GPC5: variants seen among roughly 807,000 people sequenced by gnomAD.
GPC5 encodes glypican 5.
A neutral mutation model predicts 53.9 loss-of-function variants in GPC5; 47 were observed. The observed-to-expected ratio is 0.87, with a 90% CI of 0.69 to 1.11. GPC5 has a LOEUF of 1.11. Ranked by LOEUF, GPC5 falls within the 50% of genes most tolerant of loss-of-function variation. GPC5 has a pLI of 0.00. For missense variants in GPC5, 748 were observed against 713.1 expected, an observed-to-expected ratio of 1.05 and a Z score of -0.56; for synonymous variants, 286 against 263.3, an observed-to-expected ratio of 1.09 and a Z score of -0.84.
At chr13:92,519,881 G>A (rs192896664) in intron 7 of GPC5, among the ~76,000 whole-genome samples, 1 of 150,724 alleles carries the variant, frequency 6.6e-6, no homozygotes, top group African/African-American at 2.5e-5. Flanking sequence ...TAGACTGCTA[G>A]CAAGACTAAT....
chr13:91,826,386 T>C (rs1400099390), intron 5 of GPC5, among the ~76,000 whole-genome samples: 1 of 152,076 alleles, frequency 6.6e-6, no homozygotes, highest in African/African-American at 2.4e-5. Flanking sequence ...ACAGTTTCTA[T>C]TGAAAGTATA....
intron 1 of GPC5, among the ~76,000 whole-genome samples, chr13:91,435,449 G>T (rs1879860822): frequency 1.3e-5 from 2 of 152,118 alleles, no homozygotes; most frequent in Non-Finnish European, 2.9e-5. Flanking sequence ...ATAATCATAT[G>T]GTTTTTGTCG....
rs1886467460 is a variant in GPC5, at chr13:92,663,870, A to AC, written c.1562-202412_1562-202411insC. Among the ~76,000 whole-genome samples, 3 of 9,674 alleles carry AC rather than the reference A, an allele frequency of 3.1e-4. 1 individual carries two copies. Among genetic ancestry groups the AC allele is most frequent in the Non-Finnish European group, 1.2e-3 (3 of 2,450 alleles). 6.3% of individuals were successfully genotyped at this position (9,674 alleles called of 152,430 possible). ...ACACACACACACTATATATATATAT[A>AC]TATATATATATATATATATATATAT... On this transcript the variant is annotated intron_variant, in intron 7 of 7. Coordinates refer to ENST00000377067, the MANE Select transcript of GPC5 (RefSeq NM_004466.6).
At chr13:92,814,299 G>A (rs1037603169) in intron 7 of GPC5, among the ~76,000 whole-genome samples, 1 of 151,760 alleles carries the variant, frequency 6.6e-6, no homozygotes, top group African/African-American at 2.4e-5. Context: ...TGTGACCTTG[G>A]GTTAGGCAAA....
intron 2 of GPC5, among the ~76,000 whole-genome samples, chr13:91,646,572 C>T (rs1020797267): frequency 6.6e-6 from 1 of 151,980 alleles, no homozygotes; most frequent in African/African-American, 2.4e-5. Context: ...AATTCTTGAT[C>T]TAACATAATG....
At chr13:91,890,119 A>G (rs1175540369) in intron 5 of GPC5, among the ~76,000 whole-genome samples, 1 of 152,188 alleles carries the variant, frequency 6.6e-6, no homozygotes, top group Non-Finnish European at 1.5e-5. Flanking sequence ...ACAAGGATCA[A>G]TAACAGGGGT....
At chr13:92,265,946 C>CA (rs1407445751) in intron 7 of GPC5, among the ~76,000 whole-genome samples, 16 of 152,154 alleles carry the variant, frequency 1.1e-4, no homozygotes, top group Non-Finnish European at 2.4e-4. Flanking sequence ...GGTGAAAGGG[C>CA]AAAGAGAAGG....
chr13:92,014,938 TG>T (rs2040694053), intron 6 of GPC5, among the ~76,000 whole-genome samples: 1 of 152,040 alleles, frequency 6.6e-6, no homozygotes, highest in Non-Finnish European at 1.5e-5. Context: ...AGAGTTTGGG[TG>T]GCTGATTTGA....
At chr13:91,776,970 C>T (rs1479624982) in intron 5 of GPC5, among the ~76,000 whole-genome samples, 1 of 152,224 alleles carries the variant, frequency 6.6e-6, no homozygotes, top group Non-Finnish European at 1.5e-5. Flanking sequence ...CCTACTTTAA[C>T]CTTATAATGT....
chr13:91,569,892 C>T (rs183337019), intron 2 of GPC5, among the ~76,000 whole-genome samples: 39 of 152,230 alleles, frequency 2.6e-4, no homozygotes, highest in Middle Eastern at 3.4e-3. Flanking sequence ...TGAACTTCCC[C>T]GCCTTCAGAA....
chr13:91,599,010 C>G (rs2033090072), intron 2 of GPC5, among the ~76,000 whole-genome samples: 1 of 152,018 alleles, frequency 6.6e-6, no homozygotes, highest in African/African-American at 2.4e-5. Context: ...CAAAGGTTAT[C>G]TTTACTATAA....
intron 7 of GPC5, among the ~76,000 whole-genome samples, chr13:92,738,120 C>A (rs190797283): frequency 6.6e-6 from 1 of 152,004 alleles, no homozygotes; most frequent in Non-Finnish European, 1.5e-5. Flanking sequence ...AGTGTCACCT[C>A]TAAAATGTAT....
At chr13:91,468,743 G>C (rs1422946310) in intron 2 of GPC5, among the ~76,000 whole-genome samples, 1 of 151,742 alleles carries the variant, frequency 6.6e-6, no homozygotes, top group African/African-American at 2.4e-5. Context: ...ATACAAATGT[G>C]TTTAAAATTA....
rs566264679 is a variant in GPC5, at chr13:92,836,729, T to G, written c.1562-29553T>G. On this transcript the variant is annotated intron_variant, in intron 7 of 7. Transcript: ENST00000377067. The stretch of plus-strand genomic sequence containing the variant: ...AATGATATATATGCCAACTTAATAT[T>G]TATGGACATTATAGAACTGATCATT... Among the ~76,000 whole-genome samples, 42 of 152,180 alleles carry G rather than the reference T, an allele frequency of 2.8e-4. 1 individual carries two copies. In the South Asian group the frequency reaches 8.3e-3, roughly 30 times the overall value.
chr13:91,871,656 T>C (rs532607356), intron 5 of GPC5, among the ~76,000 whole-genome samples: 1 of 152,292 alleles, frequency 6.6e-6, no homozygotes, highest in South Asian at 2.1e-4. Context: ...AGTATATTAA[T>C]TACATTGGTA....
At position 92,735,081 on chromosome 13, in the gene GPC5, T is replaced by C. The variant is rs147270621; in HGVS notation, c.1562-131201T>C. Among the ~76,000 whole-genome samples the C allele has an allele frequency of 2.3e-3, 357 of 152,062 alleles. 1 individual carries two copies. The highest frequency in any genetic ancestry group is 8.4e-3 in the African/African-American group (347 of 41,554). ...TTAATCAAATTCTCTCTTAACTACA[T>C]ATTGCCAACAAATAGAAAAATATTT... On this transcript the variant is annotated intron_variant, in intron 7 of 7. Coordinates refer to ENST00000377067, the MANE Select transcript of GPC5 (RefSeq NM_004466.6).
intron 5 of GPC5, among the ~76,000 whole-genome samples, chr13:91,889,982 T>G (rs1438209541): frequency 6.6e-6 from 1 of 152,154 alleles, no homozygotes; most frequent in East Asian, 1.9e-4. Context: ...GGGGATAGGG[T>G]ATTTCAGTAG....
intron 7 of GPC5, among the ~76,000 whole-genome samples, chr13:92,409,806 A>C: frequency 6.6e-6 from 1 of 152,208 alleles, no homozygotes; most frequent in East Asian, 1.9e-4. Context: ...GTAAGGACAT[A>C]TTTGAATAAA....
At chr13:92,338,577 G>A (rs1300921133) in intron 7 of GPC5, among the ~76,000 whole-genome samples, 1 of 152,018 alleles carries the variant, frequency 6.6e-6, no homozygotes, top group Non-Finnish European at 1.5e-5. Context: ...GAAGAGAAAT[G>A]AGCTGTCAAG....
Sources: allele counts gnomAD v4.1 joint callset (sites outside exome capture counted in the v4.1 genomes callset), GRCh38; gene constraint gnomAD v4.1.1; transcripts MANE v1.5; gene names NCBI Gene and HGNC (gene_info 2026-07-23, HGNC 2026-07-21).